Variants in PAMR1 observed in about 807,000 individuals in gnomAD.
PAMR1 encodes inactive serine protease PAMR1.
Under a neutral mutation model 81.8 loss-of-function variants are expected in PAMR1, and 88 were observed. That is an observed-to-expected ratio of 1.08 (90% CI 0.91 to 1.28). The LOEUF is 1.28. PAMR1 is among the 50% of genes most tolerant of loss of function. PAMR1 has a pLI of 0.00. For missense variants in PAMR1, 935 were observed against 919.7 expected (o/e 1.02, Z -0.21); for synonymous variants, 336 against 345.3 (o/e 0.97, Z 0.30).
intron 6 of PAMR1, among the ~76,000 whole-genome samples, chr11:35,453,861 GA>G (rs1173871576): frequency 3.9e-5 from 6 of 152,090 alleles, no homozygotes; most frequent in Non-Finnish European, 8.8e-5. Flanking sequence ...AATATTCTGT[GA>G]TTAATAATAA....
intron 1 of PAMR1, among the ~76,000 whole-genome samples, chr11:35,511,286 G>T (rs1851068220): frequency 1.3e-5 from 2 of 152,210 alleles, no homozygotes; most frequent in Admixed American, 1.3e-4. Flanking sequence ...TATGCAGAAG[G>T]ACAGGAGCAG....
chr11:35,473,656 C>G (rs1850230090), intron 4 of PAMR1, among the ~76,000 whole-genome samples: 1 of 152,076 alleles, frequency 6.6e-6, no homozygotes, highest in Admixed American at 6.5e-5. Context: ...ACTTGTTTTG[C>G]TGGATTTTTC....
At chr11:35,488,803 G>A (rs1850562310) in intron 3 of PAMR1, among the ~76,000 whole-genome samples, 1 of 148,560 alleles carries the variant, frequency 6.7e-6, no homozygotes, top group Non-Finnish European at 1.5e-5. Context: ...GAACTTCTGG[G>A]CTCAAGTAAT....
chr11:35,477,340 AAC>A (rs2135385170), intron 3 of PAMR1, among the ~76,000 whole-genome samples: 1 of 152,366 alleles, frequency 6.6e-6, no homozygotes, highest in African/African-American at 2.4e-5. Flanking sequence ...TTCATAAAAA[AAC>A]ACAGAGAACA....
chr11:35,525,686 G>C (rs562345294), upstream of PAMR1: 9 of 959,508 alleles, frequency 9.4e-6, no homozygotes, highest in East Asian at 2.6e-5. Context: ...CCGAGCCCCA[G>C]CTGAGCGGGA....
chr11:35,470,937 G>T, intron 4 of PAMR1, 119 bp from the exon 5 acceptor site: 1 of 691,594 alleles, frequency 1.4e-6, no homozygotes. Flanking sequence ...TCACTGGCCT[G>T]ATCGGATAGG....
At chr11:35,499,330 A>G (rs1370680842) in intron 1 of PAMR1, among the ~76,000 whole-genome samples, 1 of 152,154 alleles carries the variant, frequency 6.6e-6, no homozygotes, top group Non-Finnish European at 1.5e-5. Flanking sequence ...CACTCTCTGA[A>G]CAGCGAATAT....
chr11:35,507,696 T>C (rs981963121), intron 1 of PAMR1, among the ~76,000 whole-genome samples: 1 of 152,210 alleles, frequency 6.6e-6, no homozygotes, highest in Admixed American at 6.5e-5. Flanking sequence ...TCTTTGTTTT[T>C]GCATTGAAGG....
intron 5 of PAMR1, among the ~76,000 whole-genome samples, chr11:35,468,380 A>G (rs1281522760): frequency 6.6e-6 from 1 of 152,210 alleles, no homozygotes; most frequent in Non-Finnish European, 1.5e-5. Context: ...AATGCAAACA[A>G]GAACATTAAA....
chr11:35,503,446 A>C (rs557624086), intron 1 of PAMR1, among the ~76,000 whole-genome samples: 120 of 152,074 alleles, frequency 7.9e-4, no homozygotes, highest in African/African-American at 2.8e-3. Context: ...TATTGCTTTG[A>C]GTATAAATTG....
In PAMR1 at chr11:35,466,408, C is replaced by T. The variant is rs543703797; in HGVS notation, c.820+1593G>A. ...GGACCCACTATTGAAACCATGGTTTCCATCTGCATTGTTTGCAAGAAAACA... is the reference window on the plus strand; with the variant it reads ...GGACCCACTATTGAAACCATGGTTTTCATCTGCATTGTTTGCAAGAAAACA... On this transcript the variant is annotated intron_variant, in intron 6 of 10. Coordinates refer to ENST00000619888, the MANE Select transcript of PAMR1 (RefSeq NM_001001991.3). 2.9e-4 allele frequency among the ~76,000 whole-genome samples: 44 copies of T among 152,274 alleles called. 1 individual carries two copies. The East Asian group carries it at 2.9e-3, about 10-fold the overall frequency.
chr11:35,489,977 A>G lies in PAMR1; in HGVS notation c.379+2068T>C, dbSNP rs144703882. Reference sequence around the variant, plus strand: ...GTTCCCACACTGCTAAGAAAGACATAGCTGAGACTGGGTAATTTGTAAAGG... The same window carrying G: ...GTTCCCACACTGCTAAGAAAGACATGGCTGAGACTGGGTAATTTGTAAAGG... On this transcript the variant is annotated intron_variant, in intron 3 of 10. Transcript: ENST00000619888. Among the ~76,000 whole-genome samples the G allele has an allele frequency of 4.6e-5, 7 of 152,352 alleles. No individual in the cohort carries two copies. In the East Asian group the frequency reaches 1.3e-3, roughly 29 times the overall value.
intron 5 of PAMR1, 130 bp downstream of exon 5, chr11:35,470,471 G>T: frequency 2.8e-6 from 2 of 706,038 alleles, no homozygotes; most frequent in Admixed American, 4.9e-5. Context: ...TTCTCAGTGT[G>T]TAGGCTGTTT....
chr11:35,436,241 CA>C (rs1856041297), intron 8 of PAMR1, 106 bp from the exon 9 acceptor site: 1 of 713,318 alleles, frequency 1.4e-6, no homozygotes, highest in Non-Finnish European at 2.5e-6. Context: ...TTTACAGAAA[CA>C]GAAAAAATCT....
At chr11:35,506,351 TG>T (rs1276102903) in intron 1 of PAMR1, among the ~76,000 whole-genome samples, 2 of 152,058 alleles carry the variant, frequency 1.3e-5, no homozygotes, top group African/African-American at 4.8e-5. Context: ...TGGGGTTATC[TG>T]TGTATTTAAT....
intron 1 of PAMR1, among the ~76,000 whole-genome samples, chr11:35,512,666 A>G (rs889054365): frequency 6.6e-6 from 1 of 152,178 alleles, no homozygotes; most frequent in Non-Finnish European, 1.5e-5. Flanking sequence ...GTACTTCTTC[A>G]TGGTTGTGAT....
Position 35,432,581 on chromosome 11 carries a change from G to A in PAMR1, c.1938C>T (p.Asn646=), listed in dbSNP as rs1413062310. The A allele has an allele frequency of 1.2e-6, 2 of 1,614,182 alleles. No individual in the cohort carries two copies. The highest frequency in any genetic ancestry group is 1.1e-5 in the South Asian group (1 of 91,060). The change falls in exon 11 of 11, where the codon AAC becomes AAT. Residue 646 remains asparagine (N), a synonymous_variant. Transcript: ENST00000619888. Reference sequence around the variant, plus strand: ...TGGGTTCCCAGCTGGCACAGAACATGTTATCAGTGACACTCACTGGGATGC... The same window carrying A: ...TGGGTTCCCAGCTGGCACAGAACATATTATCAGTGACACTCACTGGGATGC... ...DHGIPVSVTD[N]MFCASWEPTA... is the part of the protein sequence containing the mutation.
chr11:35,449,908 A>G (rs749268880), intron 6 of PAMR1, among the ~76,000 whole-genome samples: 1 of 151,632 alleles, frequency 6.6e-6, no homozygotes, highest in Non-Finnish European at 1.5e-5. Flanking sequence ...CTTGCTTTCC[A>G]TGGGTCATGA....
At chr11:35,520,100 A>G (rs1590402385) in intron 1 of PAMR1, among the ~76,000 whole-genome samples, 1 of 152,292 alleles carries the variant, frequency 6.6e-6, no homozygotes, top group East Asian at 1.9e-4. Context: ...AATTATTTGG[A>G]TAGCCAAACT....
Sources: gnomAD v4.1 joint callset for allele counts (sites outside exome capture counted in the v4.1 genomes callset) on GRCh38, gnomAD v4.1.1 for gene constraint, MANE v1.5 for transcripts, NCBI Gene and HGNC (gene_info 2026-07-23, HGNC 2026-07-21) for gene names.